The following PIWIL2 variants were observed in gnomAD, a reference collection of about 807,000 sequenced individuals.
PIWIL2 encodes piwi like RNA-mediated gene silencing 2, also known as piwi-like protein 2.
PIWIL2 carries 81 observed loss-of-function variants against 116.5 expected under a neutral mutation model. The ratio of observed to expected loss-of-function variants is 0.70; its 90% CI spans 0.58 to 0.84. The LOEUF is 0.84. Among genes scored for constraint, PIWIL2 ranks in the 40% least tolerant of loss-of-function variants. The probability of loss-of-function intolerance (pLI) is 0.00; values close to 1 mark genes in which losing one functional copy is unlikely to be tolerated. For synonymous variants in PIWIL2, 489 were observed against 429.5 expected, an observed-to-expected ratio of 1.14 and a Z score of -1.71; for missense variants, 1,272 against 1,212.3, an observed-to-expected ratio of 1.05 and a Z score of -0.73.
rs372663657 is a variant in PIWIL2 at position 22,302,881 on chromosome 8, G to A, written c.1182-1140G>A. Reference sequence around the variant, plus strand: ...ATGGCTTTCTGATTACCAGGATTTAGCCCTTAAATTTCTAGTTGATGCACT... The same window carrying A: ...ATGGCTTTCTGATTACCAGGATTTAACCCTTAAATTTCTAGTTGATGCACT... On this transcript the variant is annotated intron_variant, in intron 10 of 22. Coordinates refer to ENST00000356766, the MANE Select transcript of PIWIL2 (RefSeq NM_018068.5). Among the ~76,000 whole-genome samples the A allele has an allele frequency of 5.4e-4, 82 of 152,294 alleles. 1 individual carries two copies. Among genetic ancestry groups the A allele is most frequent in the African/African-American group, 2.0e-3 (82 of 41,562 alleles).
In PIWIL2 at chr8:22,318,413, G is replaced by A. The variant is rs1025691952; in HGVS notation, c.2403+138G>A. The A allele has an allele frequency of 6.3e-5, 35 of 557,302 alleles. 1 individual carries two copies. The highest frequency in any genetic ancestry group is 3.4e-4 in the South Asian group (15 of 43,816). 34.5% of individuals were successfully genotyped at this position (557,302 alleles called of 1,614,324 possible). ...GTTCACTGCAACCTCTGCCTCCTGG[G>A]TTCAAGCGGTTCTCCTGCCTCAGCC... is the stretch of plus-strand genomic sequence containing the variant. On this transcript the variant is annotated intron_variant, in intron 20 of 22. Transcript: ENST00000356766.
At chr8:22,300,494 A>C (rs1831020088) in intron 10 of PIWIL2, among the ~76,000 whole-genome samples, 1 of 152,202 alleles carries the variant, frequency 6.6e-6, no homozygotes, top group East Asian at 1.9e-4. Context: ...GTGTGGACTT[A>C]TACTTTCATT....
At chr8:22,347,885 C>A (rs189338144) in intron 20 of PIWIL2, among the ~76,000 whole-genome samples, 2 of 151,992 alleles carry the variant, frequency 1.3e-5, no homozygotes, top group Admixed American at 6.6e-5. Flanking sequence ...AAATCTCTTA[C>A]ACTCCTCTGT....
chr8:22,309,839 A>G, intron 14 of PIWIL2, 122 bp from the exon 15 acceptor site: 1 of 579,782 alleles, frequency 1.7e-6, no homozygotes, highest in Non-Finnish European at 3.2e-6. Flanking sequence ...TGCTAGTCTC[A>G]AAAGTTCTAA....
chr8:22,294,497 C>T (rs1331403855), intron 10 of PIWIL2, among the ~76,000 whole-genome samples: 10 of 150,866 alleles, frequency 6.6e-5, no homozygotes, highest in African/African-American at 1.5e-4. Context: ...AAAAATTAGC[C>T]GGGCGTGATG....
intron 22 of PIWIL2, among the ~76,000 whole-genome samples, chr8:22,355,148 C>A (rs1347060717): frequency 6.7e-6 from 1 of 150,118 alleles, no homozygotes; most frequent in East Asian, 1.9e-4. Flanking sequence ...TTACCCATGT[C>A]GTCTGACTTA....
chr8:22,317,332 A>G (rs1831484152), intron 19 of PIWIL2, among the ~76,000 whole-genome samples: 2 of 152,340 alleles, frequency 1.3e-5, no homozygotes, highest in South Asian at 2.1e-4. Flanking sequence ...TGATGTATAT[A>G]TACTTTCAGA....
intron 19 of PIWIL2, among the ~76,000 whole-genome samples, chr8:22,316,902 C>A: frequency 6.6e-6 from 1 of 151,982 alleles, no homozygotes; most frequent in East Asian, 1.9e-4. Flanking sequence ...GATCCTCCCA[C>A]CTCAGCCTCC....
In PIWIL2 at chr8:22,288,628, T is replaced by A. The variant is rs1830686193; in HGVS notation, c.948T>A (p.Ser316=). Residue 316 remains serine, a synonymous_variant, in exon 8 of 23, where the codon TCT becomes TCA. Coordinates refer to ENST00000356766, the MANE Select transcript of PIWIL2 (RefSeq NM_018068.5). ...IQMTKILEPC[S]DLCIPFYNVV... ...TGACAAAGATCCTGGAGCCCTGCTC[T>A]GACCTGTGCATTCCCTTCTACAATG... 1 of 1,613,598 alleles carries A rather than the reference T, an allele frequency of 6.2e-7. No homozygotes were observed. The highest frequency in any genetic ancestry group is 1.7e-5 in the Admixed American group (1 of 59,992).
rs554891629 is a variant in PIWIL2 at position 22,285,207 on chromosome 8, A to G, written c.743+935A>G. On this transcript the variant is annotated intron_variant, in intron 6 of 22. Coordinates refer to ENST00000356766, the MANE Select transcript of PIWIL2 (RefSeq NM_018068.5). ...TCTGAAACTTTGTACATTTTAACCA[A>G]CATCTGCCATTTCTCCATACCCCTC... Among the ~76,000 whole-genome samples, 285 of 152,248 alleles carry G rather than the reference A, an allele frequency of 1.9e-3. 1 individual carries two copies. Among genetic ancestry groups the G allele is most frequent in the Non-Finnish European group, 3.4e-3 (232 of 68,010 alleles).
At chr8:22,334,932 G>A (rs971772129) in intron 20 of PIWIL2, among the ~76,000 whole-genome samples, 2 of 151,416 alleles carry the variant, frequency 1.3e-5, no homozygotes, top group Admixed American at 1.3e-4. Context: ...GCGGGCACCT[G>A]TAATCCCAGC....
Position 22,322,252 on chromosome 8 carries a change from C to T in PIWIL2, c.2403+3977C>T, listed in dbSNP as rs142940238. Among the ~76,000 whole-genome samples, 510 of 151,692 alleles carry T rather than the reference C, an allele frequency of 3.4e-3. 5 individuals carry two copies. Among genetic ancestry groups the T allele is most frequent in the African/African-American group, 0.012 (499 of 41,372 alleles). ...TTTTCCTTGATGAATACATGCCCCT[C>T]CCCCCCACCTTTTTTTTTGAGACAG... On this transcript the variant is annotated intron_variant, in intron 20 of 22. Coordinates refer to ENST00000356766, the MANE Select transcript of PIWIL2 (RefSeq NM_018068.5).
intron 20 of PIWIL2, among the ~76,000 whole-genome samples, chr8:22,336,162 T>G (rs1225555863): frequency 5.9e-5 from 9 of 152,202 alleles, no homozygotes; most frequent in Non-Finnish European, 1.3e-4. Context: ...AACAGACATC[T>G]ATAAAACACT....
At chr8:22,293,694 A>G (rs1430609773) in intron 10 of PIWIL2, among the ~76,000 whole-genome samples, 1 of 152,204 alleles carries the variant, frequency 6.6e-6, no homozygotes. Flanking sequence ...TTGTCTCTGT[A>G]CTATTATACA....
At chr8:22,337,987 G>A (rs904085132) in intron 20 of PIWIL2, among the ~76,000 whole-genome samples, 2 of 151,984 alleles carry the variant, frequency 1.3e-5, no homozygotes, top group Non-Finnish European at 2.9e-5. Flanking sequence ...CCAACTACTC[G>A]GGAGGCTGAG....
chr8:22,298,588 G>C (rs1450996690), intron 10 of PIWIL2, among the ~76,000 whole-genome samples: 1 of 152,222 alleles, frequency 6.6e-6, no homozygotes, highest in Non-Finnish European at 1.5e-5. Flanking sequence ...CCAGTGAGTG[G>C]ATTGTTGGTC....
intron 1 of PIWIL2, among the ~76,000 whole-genome samples, chr8:22,277,239 C>G (rs1238565256): frequency 6.6e-6 from 1 of 152,124 alleles, no homozygotes; most frequent in Non-Finnish European, 1.5e-5. Context: ...CCACGCTGCT[C>G]TTGAGCTCCT....
chr8:22,290,463 A>G lies in PIWIL2; in HGVS notation c.1181+117A>G. On this transcript the variant is annotated intron_variant, in intron 10 of 22. Transcript: ENST00000356766. ...TGTTTGTTTGTTTTTTCCCCCAGAG[A>G]CAGGGTCTTGTTTTGTCACCCTGGC... The G allele has an allele frequency of 4.8e-6, 3 of 624,852 alleles. No individual in the cohort carries two copies. In the South Asian group the frequency reaches 6.1e-5, roughly 13 times the overall value. The allele number at this position is 624,852 out of a possible 1,614,324, so 38.7% of individuals were successfully genotyped here.
intron 20 of PIWIL2, among the ~76,000 whole-genome samples, chr8:22,345,279 T>C (rs1349288868): frequency 7.4e-6 from 1 of 134,490 alleles, no homozygotes; most frequent in Non-Finnish European, 1.7e-5. Context: ...AAACATTGTG[T>C]ACCCAAGAAA....
Sources: gnomAD v4.1 joint callset for allele counts (sites outside exome capture counted in the v4.1 genomes callset) on GRCh38, gnomAD v4.1.1 for gene constraint, MANE v1.5 for transcripts, NCBI Gene and HGNC (gene_info 2026-07-23, HGNC 2026-07-21) for gene names.